Variants in DCPH1 observed in about 807,000 individuals in gnomAD.
DCPH1 encodes damage control phosphatase 1.
chr6:151,467,812 T>C, the DCPH1 span, among the ~76,000 whole-genome samples: 1 of 152,242 alleles, frequency 6.6e-6, no homozygotes, highest in Admixed American at 6.5e-5. Flanking sequence ...AACATGACCT[T>C]GTTTAAAAAG....
chr6:151,467,489 G>A, the DCPH1 span, among the ~76,000 whole-genome samples: 3 of 151,914 alleles, frequency 2.0e-5, no homozygotes, highest in African/African-American at 7.3e-5. Context: ...TGTTTATTGA[G>A]TACTTCTATA....
At chr6:151,461,507 C>CT in the DCPH1 span, among the ~76,000 whole-genome samples, 1 of 152,112 alleles carries the variant, frequency 6.6e-6, no homozygotes, top group African/African-American at 2.4e-5. Flanking sequence ...CCTGTCTCTA[C>CT]TAAAAATACA....
At chr6:151,467,128 T>C in the DCPH1 span, among the ~76,000 whole-genome samples, 1 of 151,660 alleles carries the variant, frequency 6.6e-6, no homozygotes, top group African/African-American at 2.4e-5. Flanking sequence ...GGTGGGCGGC[T>C]GTAATCCCAG....
the DCPH1 span, chr6:151,468,747 G>C: frequency 2.5e-6 from 4 of 1,614,196 alleles, no homozygotes; most frequent in Non-Finnish European, 3.4e-6. Flanking sequence ...ACTGGGAAGA[G>C]TATATTAAAA....
the DCPH1 span, chr6:151,454,552 T>C: frequency 7.1e-7 from 1 of 1,413,950 alleles, no homozygotes; most frequent in African/African-American, 1.4e-5. Flanking sequence ...TTCTAGATCA[T>C]TTGCATATCT....
the DCPH1 span, chr6:151,469,701 A>G: frequency 7.2e-5 from 11 of 152,772 alleles, no homozygotes; most frequent in East Asian, 2.1e-3. Flanking sequence ...TTTCATTTGC[A>G]CGCCTTTGTA....
the DCPH1 span, among the ~76,000 whole-genome samples, chr6:151,455,636 T>C: frequency 9.9e-5 from 15 of 152,202 alleles, no homozygotes; most frequent in Non-Finnish European, 1.9e-4. Flanking sequence ...GAACATACAA[T>C]TGGGTTTTAT....
the DCPH1 span, chr6:151,452,621 A>G: frequency 1.3e-6 from 2 of 1,593,926 alleles, no homozygotes; most frequent in Middle Eastern, 1.7e-4. Context: ...ACTTTTGCGG[A>G]AAGCCGGGCC....
chr6:151,452,635 C>T, the DCPH1 span: 1 of 1,581,102 alleles, frequency 6.3e-7, no homozygotes, highest in East Asian at 2.4e-5. Flanking sequence ...CCGGGCCTCG[C>T]CGGGAGCCTG....
At chr6:151,455,610 C>T in the DCPH1 span, among the ~76,000 whole-genome samples, 1 of 152,216 alleles carries the variant, frequency 6.6e-6, no homozygotes, top group Admixed American at 6.5e-5. Flanking sequence ...GCGGTTTTTC[C>T]CTATCTCAGT....
At chr6:151,458,287 C>G in the DCPH1 span, 10 of 1,228,768 alleles carry the variant, frequency 8.1e-6, no homozygotes, top group South Asian at 5.1e-5. Flanking sequence ...ATTGCACAGA[C>G]ACACACACAC....
chr6:151,458,460 T>G, the DCPH1 span: 2 of 1,613,478 alleles, frequency 1.2e-6, no homozygotes, highest in East Asian at 4.5e-5. Context: ...GTACCTAGAA[T>G]ATCAACAGAG....
the DCPH1 span, chr6:151,458,361 C>G: frequency 2.5e-6 from 4 of 1,613,318 alleles, no homozygotes; most frequent in Non-Finnish European, 3.4e-6. Context: ...AGCTATCTCT[C>G]TCCTTTCTAA....
the DCPH1 span, among the ~76,000 whole-genome samples, chr6:151,453,448 A>T: frequency 1.3e-5 from 2 of 152,242 alleles, no homozygotes; most frequent in Non-Finnish European, 2.9e-5. Flanking sequence ...CCTCTGAGGT[A>T]TTAGTGATTT....
chr6:151,459,308 C>T, the DCPH1 span, among the ~76,000 whole-genome samples: 6 of 152,180 alleles, frequency 3.9e-5, no homozygotes, highest in South Asian at 4.2e-4. Flanking sequence ...AGATAATAAA[C>T]GTTACAACTT....
the DCPH1 span, among the ~76,000 whole-genome samples, chr6:151,460,806 A>C: frequency 6.6e-6 from 1 of 151,688 alleles, no homozygotes; most frequent in Non-Finnish European, 1.5e-5. Flanking sequence ...AAAAAACAAC[A>C]AAAAAAACTC....
At chr6:151,454,656 A>G in the DCPH1 span, 1 of 1,407,120 alleles carries the variant, frequency 7.1e-7, no homozygotes, top group Non-Finnish European at 9.9e-7. Flanking sequence ...ACGGAGAGGT[A>G]AGAATTGTTT....
the DCPH1 span, chr6:151,452,502 G>C: frequency 6.2e-7 from 1 of 1,607,964 alleles, no homozygotes; most frequent in Non-Finnish European, 8.5e-7. Flanking sequence ...CTGTTTCTGC[G>C]GCGATTGAAC....
chr6:151,456,477 C>T, the DCPH1 span, among the ~76,000 whole-genome samples: 37 of 152,194 alleles, frequency 2.4e-4, no homozygotes, highest in Admixed American at 1.9e-3. Flanking sequence ...TGCTAAAATC[C>T]GGCTTAATTT....
Sources: gnomAD v4.1 joint callset for allele counts (sites outside exome capture counted in the v4.1 genomes callset) on GRCh38, gnomAD v4.1.1 for gene constraint, MANE v1.5 for transcripts, NCBI Gene and HGNC (gene_info 2026-07-23, HGNC 2026-07-21) for gene names.